Variants in KCTD15 observed in about 807,000 individuals in gnomAD.
KCTD15 encodes potassium channel tetramerization domain containing 15.
Under a neutral mutation model 27.2 loss-of-function variants are expected in KCTD15, and 11 were observed. The ratio of observed to expected loss-of-function variants is 0.41; its 90% CI spans 0.25 to 0.67. KCTD15 has a LOEUF of 0.67. Ranked by LOEUF, KCTD15 falls within the 30% of genes least tolerant of loss-of-function variation. The pLI is 0.35. For missense variants in KCTD15, 350 were observed against 409.3 expected, an observed-to-expected ratio of 0.86 and a Z score of 1.25; for synonymous variants, 163 against 176.0, an observed-to-expected ratio of 0.93 and a Z score of 0.58.
intron 6 of KCTD15, chr19:33,812,448 A>G: frequency 9.2e-7 from 1 of 1,092,082 alleles, no homozygotes; most frequent in Non-Finnish European, 1.1e-6. Flanking sequence ...ATGTGTCTGG[A>G]GAGAGGGCAT....
At position 33,813,050 on chromosome 19, in the gene KCTD15, G is replaced by A. The variant is rs1461328618; in HGVS notation, c.*102G>A. On this transcript the variant is annotated 3_prime_UTR_variant, in exon 7 of 7. Coordinates refer to ENST00000683859, the MANE Select transcript of KCTD15 (RefSeq NM_001129994.2). Reference sequence around the variant, plus strand: ...GCCGTGGGCATGAGACCGAGGGTGAGGCTGGAGGGTCCAAAGCTGGCCCAG... The same window carrying A: ...GCCGTGGGCATGAGACCGAGGGTGAAGCTGGAGGGTCCAAAGCTGGCCCAG... 1 of 1,259,338 alleles carries A rather than the reference G, an allele frequency of 7.9e-7. No homozygotes were observed. Among genetic ancestry groups the A allele is most frequent in the South Asian group, 1.3e-5 (1 of 76,450 alleles). The allele number at this position is 1,259,338 out of a possible 1,614,324, so 78.0% of individuals were successfully genotyped here.
At chr19:33,812,238 A>C in intron 6 of KCTD15, 1 of 1,046,868 alleles carries the variant, frequency 9.6e-7, no homozygotes, top group African/African-American at 1.7e-5. Flanking sequence ...AAACCCACAT[A>C]GTTGTGGACG....
chr19:33,801,605 G>A (rs1975549718), intron 4 of KCTD15: 1 of 365,820 alleles, frequency 2.7e-6, no homozygotes, highest in East Asian at 4.4e-5. Context: ...CAGGGGACTA[G>A]GGCTTATTCA....
At chr19:33,801,409 AG>A in intron 4 of KCTD15, 67 bp downstream of exon 4, 1 of 1,408,796 alleles carries the variant, frequency 7.1e-7, no homozygotes, top group Non-Finnish European at 9.5e-7. Context: ...TCTGCTGCCT[AG>A]GGGGTGGGGT....
chr19:33,801,127 G>C (rs902080797), intron 3 of KCTD15, 40 bp from the exon 4 acceptor site: 2 of 1,543,878 alleles, frequency 1.3e-6, no homozygotes, highest in African/African-American at 1.4e-5. Context: ...CTTGTGTTCC[G>C]CTTTGAAACT....
At chr19:33,804,399 A>T (rs1975652278) in intron 4 of KCTD15, among the ~76,000 whole-genome samples, 1 of 152,196 alleles carries the variant, frequency 6.6e-6, no homozygotes, top group Admixed American at 6.5e-5. Context: ...GACCAGCTAG[A>T]GCCTCAGCCA....
At chr19:33,795,270 A>G (rs369981771), upstream of KCTD15, among the ~76,000 whole-genome samples, 12 of 152,330 alleles carry the variant, frequency 7.9e-5, no homozygotes, top group Middle Eastern at 3.4e-3. Flanking sequence ...TTCCCTTAGG[A>G]GGAAAGTTTC....
At chr19:33,805,560 T>C (rs968099105) in intron 4 of KCTD15, among the ~76,000 whole-genome samples, 5 of 152,120 alleles carry the variant, frequency 3.3e-5, no homozygotes, top group African/African-American at 1.2e-4. Flanking sequence ...GGCTCCAGAT[T>C]GTGTGCAGGC....
chr19:33,800,870 T>C (rs904013759), intron 3 of KCTD15, among the ~76,000 whole-genome samples: 1 of 152,224 alleles, frequency 6.6e-6, no homozygotes, highest in Admixed American at 6.5e-5. Context: ...ATTAGAATTT[T>C]GCAGTTTGTT....
At chr19:33,809,129 G>A (rs1169801610) in intron 5 of KCTD15, among the ~76,000 whole-genome samples, 1 of 151,930 alleles carries the variant, frequency 6.6e-6, no homozygotes, top group Non-Finnish European at 1.5e-5. Flanking sequence ...ATACAAAAAT[G>A]AGCCGGGCGT....
chr19:33,795,366 C>G (rs1008930535), upstream of KCTD15, among the ~76,000 whole-genome samples: 69 of 151,354 alleles, frequency 4.6e-4, no homozygotes, highest in Non-Finnish European at 3.0e-5. Context: ...AGGGAGAAAG[C>G]CCCCCCCACT....
rs976572893 is a variant in KCTD15 at position 33,800,280 on chromosome 19, A to G, written c.-27-148A>G. 8.5e-5 allele frequency: 55 copies of G among 645,932 alleles called. 1 individual carries two copies. Among genetic ancestry groups the G allele is most frequent in the Middle Eastern group, 7.3e-4 (2 of 2,730 alleles). The allele number at this position is 645,932 out of a possible 1,614,324, so 40.0% of individuals were successfully genotyped here. ...GGGGTGTGGAGACAGATAGAGAGATAGTGGCGGTGGAGTCAATCAGGGAGG... is the reference window on the plus strand; with the variant it reads ...GGGGTGTGGAGACAGATAGAGAGATGGTGGCGGTGGAGTCAATCAGGGAGG... On this transcript the variant is annotated intron_variant, in intron 2 of 6. Transcript: ENST00000683859.
At chr19:33,795,367 C>T (rs1040839294), upstream of KCTD15, among the ~76,000 whole-genome samples, 1 of 152,082 alleles carries the variant, frequency 6.6e-6, no homozygotes, top group Non-Finnish European at 1.5e-5. Context: ...GGGAGAAAGC[C>T]CCCCCCACTT....
chr19:33,794,326 C>T (rs1042896210), upstream of KCTD15, among the ~76,000 whole-genome samples: 2 of 152,218 alleles, frequency 1.3e-5, no homozygotes, highest in African/African-American at 2.4e-5. Flanking sequence ...CCTTGCAAAT[C>T]TTAGAAACTT....
In KCTD15 at chr19:33,812,914, C is replaced by G; in HGVS notation, c.818C>G (p.Thr273Ser). Residue 273 changes from threonine to serine, a missense_variant, in exon 7 of 7, where the codon ACT (threonine) becomes AGT (serine). This residue lies in a region of KCTD15 where 219 missense variants were observed against 234.9 expected (regional missense o/e 0.93). Coordinates refer to ENST00000683859, the MANE Select transcript of KCTD15 (RefSeq NM_001129994.2). ...REERRPQPTP[T>S]AVRIKQEPLD ...GAGCGGCGGCCGCAGCCCACCCCCACTGCTGTTCGAATCAAGCAGGAACCC... is the reference window on the plus strand; with the variant it reads ...GAGCGGCGGCCGCAGCCCACCCCCAGTGCTGTTCGAATCAAGCAGGAACCC... 1 of 1,549,730 alleles carries G rather than the reference C, an allele frequency of 6.5e-7. No homozygotes were observed. The highest frequency in any genetic ancestry group is 8.7e-7 in the Non-Finnish European group (1 of 1,146,702).
rs554384371 is a variant in KCTD15, at chr19:33,808,188, GTCCT to G, written c.387+1192_387+1195del. 5.9e-5 allele frequency among the ~76,000 whole-genome samples: 9 copies of G among 152,200 alleles called. No homozygotes were observed. In the East Asian group the frequency reaches 1.3e-3, roughly 23 times the overall value. On this transcript the variant is annotated intron_variant, in intron 5 of 6. Transcript: ENST00000683859. Reference sequence around the variant, plus strand: ...CATGTATTAATACTAGCAAATGTCTGTCCTTCCTTCCTTCATTCCTTCCTCTATC... The same window carrying G: ...CATGTATTAATACTAGCAAATGTCTGTCCTTCCTTCATTCCTTCCTCTATC...
At chr19:33,803,105 A>G (rs920546230) in intron 4 of KCTD15, among the ~76,000 whole-genome samples, 14 of 152,176 alleles carry the variant, frequency 9.2e-5, no homozygotes, top group African/African-American at 3.4e-4. Context: ...GTGGCAGTCT[A>G]TGTTTATTCT....
intron 4 of KCTD15, 66 bp downstream of exon 4, chr19:33,801,408 T>A (rs952172573): frequency 2.1e-6 from 3 of 1,405,606 alleles, no homozygotes; most frequent in Non-Finnish European, 2.9e-6. Context: ...ATCTGCTGCC[T>A]AGGGGGTGGG....
rs1975913613 is a variant in KCTD15 at position 33,811,460 on chromosome 19, A to T, written c.601A>T (p.Met201Leu). The change falls in exon 6 of 7, where the codon ATG becomes TTG. Residue 201 changes from methionine (M) to leucine (L), a missense_variant. Around this residue, in one of 3 missense-constraint regions of KCTD15, gnomAD observed 219 missense variants for 234.9 expected, o/e 0.93. Coordinates refer to ENST00000683859, the MANE Select transcript of KCTD15 (RefSeq NM_001129994.2). ...GGTCTTCCCCGAGACCGGAGACGTC[A>T]TGTGCAACTCCGTCAACGCCGGCTG... ...EEVFPETGDV[M>L]CNSVNAGWNQ... The T allele has an allele frequency of 6.2e-7, 1 of 1,612,854 alleles. No individual in the cohort carries two copies. Among genetic ancestry groups the T allele is most frequent in the African/African-American group, 1.3e-5 (1 of 74,906 alleles).
Sources: allele counts gnomAD v4.1 joint callset (sites outside exome capture counted in the v4.1 genomes callset), GRCh38; gene constraint gnomAD v4.1.1; regional missense constraint gnomAD v4.1.1; transcripts MANE v1.5; gene names NCBI Gene and HGNC (gene_info 2026-07-23, HGNC 2026-07-21).